Variants in DIS3L2 observed in about 807,000 individuals in gnomAD.
DIS3L2 encodes the protein DIS3-like exonuclease 2.
In DIS3L2, 34 loss-of-function variants were observed where a neutral mutation model predicts 97.5. That is an observed-to-expected ratio of 0.35 (90% CI 0.27 to 0.46). The LOEUF is 0.46. Among genes scored for constraint, DIS3L2 ranks in the 20% least tolerant of loss-of-function variants. The probability of loss-of-function intolerance (pLI) is 1.00; values close to 1 mark genes in which losing one functional copy is unlikely to be tolerated. For synonymous variants in DIS3L2, 435 were observed against 445.2 expected, an observed-to-expected ratio of 0.98 and a Z score of 0.29; for missense variants, 1,038 against 1,146.0, an observed-to-expected ratio of 0.91 and a Z score of 1.36.
exon 14 of DIS3L2, chr2:232,344,235 TGTATAAAA>T (rs1167973858): frequency 1.3e-5 from 2 of 152,306 alleles, no homozygotes; most frequent in African/African-American, 4.8e-5. Flanking sequence ...AGGGTTAAAA[TGTATAAAA>T]GTATGTTATG....
chr2:232,090,895 A>G (rs1696817076), intron 6 of DIS3L2, among the ~76,000 whole-genome samples: 1 of 151,402 alleles, frequency 6.6e-6, no homozygotes, highest in Admixed American at 6.6e-5. Flanking sequence ...CTCTGGTAAG[A>G]GAGCACATTG....
chr2:232,222,701 A>G (rs1194815689), intron 10 of DIS3L2, among the ~76,000 whole-genome samples: 9 of 152,200 alleles, frequency 5.9e-5, no homozygotes, highest in Admixed American at 3.9e-4. Flanking sequence ...TTCTGACCTC[A>G]GGTGATCCAC....
chr2:232,277,694 T>C (rs1278322082), intron 13 of DIS3L2, among the ~76,000 whole-genome samples: 2 of 152,214 alleles, frequency 1.3e-5, no homozygotes, highest in Admixed American at 1.3e-4. Flanking sequence ...AGTCACACAT[T>C]GCTTAATGAC....
chr2:232,047,529 G>T (rs948968215), intron 5 of DIS3L2, among the ~76,000 whole-genome samples: 1 of 152,136 alleles, frequency 6.6e-6, no homozygotes, highest in Non-Finnish European at 1.5e-5. Flanking sequence ...GTTAGATTAT[G>T]CCAAAAATGA....
At chr2:232,162,903 C>T (rs1368968300) in intron 8 of DIS3L2, among the ~76,000 whole-genome samples, 1 of 151,922 alleles carries the variant, frequency 6.6e-6, no homozygotes, top group Non-Finnish European at 1.5e-5. Context: ...GGGCCAGTGC[C>T]CTAAAATGTG....
chr2:232,222,026 T>C (rs1364804505), intron 10 of DIS3L2, among the ~76,000 whole-genome samples: 1 of 151,374 alleles, frequency 6.6e-6, no homozygotes, highest in Non-Finnish European at 1.5e-5. Flanking sequence ...CACTGCAACC[T>C]CTGCTTCCTG....
intron 11 of DIS3L2, among the ~76,000 whole-genome samples, chr2:232,246,826 A>G (rs1427795203): frequency 1.5e-4 from 2 of 12,944 alleles, no homozygotes; most frequent in Non-Finnish European, 2.7e-4. Flanking sequence ...ATTAGCATTC[A>G]TTTATTTCAT....
intron 6 of DIS3L2, among the ~76,000 whole-genome samples, chr2:232,100,829 G>GTGTGTGTATA (rs149798372): frequency 1.4e-5 from 2 of 148,054 alleles, no homozygotes; most frequent in Admixed American, 6.9e-5. Context: ...GTGTGTGTGT[G>GTGTGTGTATA]TATATATATC....
chr2:232,308,186 G>C (rs55976511), intron 14 of DIS3L2, among the ~76,000 whole-genome samples: 3 of 152,198 alleles, frequency 2.0e-5, no homozygotes, highest in African/African-American at 7.2e-5. Context: ...TAAAGACCTC[G>C]TAGTTTTGGG....
At chr2:231,970,681 G>A (rs959374555) in intron 1 of DIS3L2, among the ~76,000 whole-genome samples, 1 of 152,108 alleles carries the variant, frequency 6.6e-6, no homozygotes, top group Non-Finnish European at 1.5e-5. Context: ...TGAAGGCCGA[G>A]GACATTACTG....
chr2:232,250,361 C>G (rs1693384336), intron 12 of DIS3L2, among the ~76,000 whole-genome samples: 1 of 151,820 alleles, frequency 6.6e-6, no homozygotes, highest in Non-Finnish European at 1.5e-5. Flanking sequence ...AGACATAAAC[C>G]CACAAGGACA....
At chr2:232,148,571 T>C (rs936493663) in intron 8 of DIS3L2, among the ~76,000 whole-genome samples, 2 of 152,184 alleles carry the variant, frequency 1.3e-5, no homozygotes, top group Non-Finnish European at 2.9e-5. Context: ...CTTGGAGTCA[T>C]TGATCACATT....
In DIS3L2 at chr2:232,337,065, C is replaced by T. The variant is rs1575030746; in HGVS notation, c.*435C>T. 3.9e-6 allele frequency: 4 copies of T among 1,036,970 alleles called. No homozygotes were observed. Among genetic ancestry groups the T allele is most frequent in the South Asian group, 3.5e-5 (1 of 28,568 alleles). 64.2% of individuals were successfully genotyped at this position (1,036,970 alleles called of 1,614,324 possible). ...GGGACCCAGTTCAGGCTTCACCCCT[C>T]GCTGCTGAGCCGATGTCAACACCTG... On this transcript the variant is annotated 3_prime_UTR_variant, in exon 21 of 21. Coordinates refer to ENST00000325385, the MANE Select transcript of DIS3L2 (RefSeq NM_152383.5).
At chr2:232,060,770 A>G (rs1330197605) in intron 5 of DIS3L2, among the ~76,000 whole-genome samples, 1 of 152,162 alleles carries the variant, frequency 6.6e-6, no homozygotes, top group African/African-American at 2.4e-5. Flanking sequence ...AACATTATTA[A>G]TTCTTCCAAC....
chr2:232,204,108 T>C (rs899534627), intron 9 of DIS3L2, among the ~76,000 whole-genome samples: 11 of 152,300 alleles, frequency 7.2e-5, no homozygotes, highest in African/African-American at 1.9e-4. Context: ...TGGCAGCATC[T>C]GCGACCTTGG....
intron 10 of DIS3L2, among the ~76,000 whole-genome samples, chr2:232,228,221 T>C (rs1028624013): frequency 6.6e-6 from 1 of 152,154 alleles, no homozygotes; most frequent in African/African-American, 2.4e-5. Flanking sequence ...CCGCCTCAGC[T>C]TCCCAAACTG....
chr2:232,289,898 G>A (rs1694550573), intron 13 of DIS3L2, among the ~76,000 whole-genome samples: 1 of 152,226 alleles, frequency 6.6e-6, no homozygotes, highest in African/African-American at 2.4e-5. Context: ...TATTTAGAAA[G>A]CAGATAGATA....
intron 6 of DIS3L2, among the ~76,000 whole-genome samples, chr2:232,113,968 A>G (rs1697622479): frequency 6.6e-6 from 1 of 152,194 alleles, no homozygotes; most frequent in South Asian, 2.1e-4. Context: ...CAGACACTGC[A>G]CTTGATGGAT....
intron 13 of DIS3L2, among the ~76,000 whole-genome samples, chr2:232,296,390 T>C (rs1268501208): frequency 6.6e-6 from 1 of 152,212 alleles, no homozygotes; most frequent in Non-Finnish European, 1.5e-5. Context: ...TAGCAATACC[T>C]AATTTAAGTG....
Sources: allele counts gnomAD v4.1 joint callset (sites outside exome capture counted in the v4.1 genomes callset), GRCh38; gene constraint gnomAD v4.1.1; transcripts MANE v1.5; gene names NCBI Gene and HGNC (gene_info 2026-07-23, HGNC 2026-07-21).